Variants in HS6ST3 observed in about 807,000 individuals in gnomAD.
The protein encoded by HS6ST3 is heparan-sulfate 6-O-sulfotransferase 3.
Under a neutral mutation model 36.7 loss-of-function variants are expected in HS6ST3, and 12 were observed. The ratio of observed to expected loss-of-function variants is 0.33; its 90% CI spans 0.21 to 0.53. The LOEUF is 0.53. HS6ST3 is among the 20% of genes least tolerant of loss of function. HS6ST3 has a pLI of 0.95. For missense variants in HS6ST3, 584 were observed against 640.9 expected, an observed-to-expected ratio of 0.91 and a Z score of 0.96; for synonymous variants, 240 against 257.5, an observed-to-expected ratio of 0.93 and a Z score of 0.65.
At chr13:96,352,085 A>G (rs1566334637) in intron 1 of HS6ST3, among the ~76,000 whole-genome samples, 1 of 152,256 alleles carries the variant, frequency 6.6e-6, no homozygotes, top group Non-Finnish European at 1.5e-5. Context: ...GAAATATTCA[A>G]TAATATGAGG....
At chr13:96,352,953 G>T (rs536420098) in intron 1 of HS6ST3, among the ~76,000 whole-genome samples, 25 of 151,876 alleles carry the variant, frequency 1.6e-4, no homozygotes, top group African/African-American at 6.0e-4. Flanking sequence ...AAGTGGCAGA[G>T]CCAGGACTTG....
intron 1 of HS6ST3, among the ~76,000 whole-genome samples, chr13:96,732,745 T>G (rs1430910737): frequency 6.6e-6 from 1 of 152,202 alleles, no homozygotes; most frequent in Non-Finnish European, 1.5e-5. Flanking sequence ...TTGATTTGAG[T>G]AGAATGGACA....
At chr13:96,095,900 G>GTA (rs2053788380) in intron 1 of HS6ST3, among the ~76,000 whole-genome samples, 1 of 147,666 alleles carries the variant, frequency 6.8e-6, no homozygotes, top group African/African-American at 2.5e-5. Context: ...GTGTGTGTGT[G>GTA]TGTTATCAGG....
intron 1 of HS6ST3, among the ~76,000 whole-genome samples, chr13:96,626,743 G>T (rs554045134): frequency 6.6e-6 from 1 of 151,830 alleles, no homozygotes; most frequent in South Asian, 2.1e-4. Context: ...TTACTGTTCT[G>T]TTTAAAATTC....
At chr13:96,424,668 G>A (rs1191232108) in intron 1 of HS6ST3, among the ~76,000 whole-genome samples, 1 of 152,118 alleles carries the variant, frequency 6.6e-6, no homozygotes, top group Non-Finnish European at 1.5e-5. Flanking sequence ...AAAGGGGTGA[G>A]GGAGTTTTCT....
intron 1 of HS6ST3, among the ~76,000 whole-genome samples, chr13:96,408,489 C>T (rs1395663579): frequency 1.3e-5 from 2 of 152,042 alleles, no homozygotes; most frequent in East Asian, 1.9e-4. Flanking sequence ...GCATCATTTG[C>T]ACATATTTGT....
rs1566302685 is a variant in HS6ST3 at position 96,254,486 on chromosome 13, TATATATATATATAC to T, written c.707+162919_707+162932del. On this transcript the variant is annotated intron_variant, in intron 1 of 1. Coordinates refer to ENST00000376705, the MANE Select transcript of HS6ST3 (RefSeq NM_153456.4). The stretch of plus-strand genomic sequence containing the variant: ...ATATATATATATATATATATATATA[TATATATATATATAC>T]ACATACATACACACACACACTTTTT... Among the ~76,000 whole-genome samples, 11 of 13,312 alleles carry T rather than the reference TATATATATATATAC, an allele frequency of 8.3e-4. 1 individual carries two copies. Among genetic ancestry groups the T allele is most frequent in the African/African-American group, 3.3e-3 (11 of 3,380 alleles). The allele number at this position is 13,312 out of a possible 152,430, so 8.7% of individuals were successfully genotyped here. A position where few individuals can be genotyped will look rare whatever the true frequency, so the allele number is the denominator to read the frequency against.
At chr13:96,337,260 G>A (rs906794391) in intron 1 of HS6ST3, among the ~76,000 whole-genome samples, 5 of 152,066 alleles carry the variant, frequency 3.3e-5, no homozygotes, top group Non-Finnish European at 7.4e-5. Flanking sequence ...TAGAGACGTG[G>A]TTTCAGTGGT....
chr13:96,292,893 A>T (rs1208172522), intron 1 of HS6ST3, among the ~76,000 whole-genome samples: 7 of 152,134 alleles, frequency 4.6e-5, no homozygotes, highest in African/African-American at 1.7e-4. Flanking sequence ...AATGTGCTGA[A>T]CATGAATTGC....
chr13:96,767,292 A>T (rs368655360), intron 1 of HS6ST3, among the ~76,000 whole-genome samples: 5 of 152,206 alleles, frequency 3.3e-5, no homozygotes, highest in African/African-American at 1.2e-4. Context: ...GGAATTATAC[A>T]CCAATACACA....
At chr13:96,448,277 T>G (rs1013522484) in intron 1 of HS6ST3, among the ~76,000 whole-genome samples, 6 of 152,220 alleles carry the variant, frequency 3.9e-5, no homozygotes, top group Non-Finnish European at 8.8e-5. Flanking sequence ...TACACCTGCT[T>G]AATTGTGTCT....
intron 1 of HS6ST3, among the ~76,000 whole-genome samples, chr13:96,651,901 A>G (rs1594827667): frequency 1.3e-5 from 2 of 152,228 alleles, no homozygotes; most frequent in Admixed American, 1.3e-4. Context: ...GGAAGTATTC[A>G]GAGAAGTCTT....
intron 1 of HS6ST3, among the ~76,000 whole-genome samples, chr13:96,387,088 C>T (rs1348703360): frequency 1.3e-5 from 2 of 152,094 alleles, no homozygotes; most frequent in Non-Finnish European, 2.9e-5. Context: ...GCCACCATGC[C>T]TTCTTTGCTT....
intron 1 of HS6ST3, among the ~76,000 whole-genome samples, chr13:96,437,461 C>T (rs573091037): frequency 1.1e-4 from 16 of 152,346 alleles, no homozygotes; most frequent in Non-Finnish European, 2.4e-4. Context: ...TCACTTCTTT[C>T]TCATTTCCAG....
chr13:96,339,626 A>T (rs1566330559), intron 1 of HS6ST3, among the ~76,000 whole-genome samples: 1 of 152,196 alleles, frequency 6.6e-6, no homozygotes, highest in Non-Finnish European at 1.5e-5. Context: ...ATAGACCAAG[A>T]GTTTATTAAG....
At chr13:96,632,154 T>C (rs940665020) in intron 1 of HS6ST3, among the ~76,000 whole-genome samples, 4 of 152,162 alleles carry the variant, frequency 2.6e-5, no homozygotes, top group Non-Finnish European at 5.9e-5. Context: ...CCTTCATCTC[T>C]TCTGCCCTGT....
At chr13:96,124,422 TCTC>T (rs1566887885) in intron 1 of HS6ST3, among the ~76,000 whole-genome samples, 1 of 151,952 alleles carries the variant, frequency 6.6e-6, no homozygotes, top group Admixed American at 6.6e-5. Flanking sequence ...CTGTGACACA[TCTC>T]CTTTCTTATT....
At chr13:96,355,359 AC>A (rs2055204516) in intron 1 of HS6ST3, among the ~76,000 whole-genome samples, 1 of 8,844 alleles carries the variant, frequency 1.1e-4, no homozygotes, top group Non-Finnish European at 1.8e-4. Context: ...GTCTATAGTT[AC>A]ACACACACAC....
chr13:96,757,638 G>A (rs1876866766), intron 1 of HS6ST3, among the ~76,000 whole-genome samples: 1 of 152,000 alleles, frequency 6.6e-6, no homozygotes, highest in Admixed American at 6.6e-5. Context: ...TCCGATTGAT[G>A]TTTCTTTCTA....
Sources: gnomAD v4.1 joint callset for allele counts (sites outside exome capture counted in the v4.1 genomes callset) on GRCh38, gnomAD v4.1.1 for gene constraint, MANE v1.5 for transcripts, NCBI Gene and HGNC (gene_info 2026-07-23, HGNC 2026-07-21) for gene names.